Variants in STX8 observed in about 807,000 individuals in gnomAD.
The protein encoded by STX8 is syntaxin-8.
Under a neutral mutation model 37.5 loss-of-function variants are expected in STX8, and 23 were observed. The ratio of observed to expected loss-of-function variants is 0.61; its 90% CI spans 0.44 to 0.87. The LOEUF (loss-of-function observed/expected upper bound fraction) is 0.87. Among genes scored for constraint, STX8 ranks in the 40% least tolerant of loss-of-function variants. STX8 has a pLI of 0.00. For missense variants in STX8, 313 were observed against 284.7 expected, an observed-to-expected ratio of 1.10 and a Z score of -0.71; for synonymous variants, 115 against 99.1, an observed-to-expected ratio of 1.16 and a Z score of -0.95.
intron 7 of STX8, among the ~76,000 whole-genome samples, chr17:9,362,607 A>T (rs1344701309): frequency 6.6e-6 from 1 of 152,046 alleles, no homozygotes; most frequent in Non-Finnish European, 1.5e-5. Flanking sequence ...TCACGAGGAC[A>T]GGAGTCTAAG....
intron 7 of STX8, among the ~76,000 whole-genome samples, chr17:9,327,062 C>T (rs1372289372): frequency 1.3e-5 from 2 of 151,460 alleles, no homozygotes; most frequent in Admixed American, 1.3e-4. Flanking sequence ...GAGGCTGAGG[C>T]AGGAGAATCG....
chr17:9,400,103 A>ATT (rs1332056276), intron 6 of STX8, among the ~76,000 whole-genome samples: 9 of 104,590 alleles, frequency 8.6e-5, no homozygotes, highest in Admixed American at 2.8e-4. Context: ...ATTTGTTGTT[A>ATT]TTATTTTTTT....
At chr17:9,483,186 C>G (rs1906419574) in intron 6 of STX8, among the ~76,000 whole-genome samples, 1 of 152,050 alleles carries the variant, frequency 6.6e-6, no homozygotes, top group Non-Finnish European at 1.5e-5. Flanking sequence ...TTGAGGCGAC[C>G]CCCGCAGAAG....
At chr17:9,445,954 G>C (rs958791427) in intron 6 of STX8, among the ~76,000 whole-genome samples, 2 of 151,000 alleles carry the variant, frequency 1.3e-5, no homozygotes, top group Non-Finnish European at 2.9e-5. Context: ...TCCCGACTCG[G>C]CCTCCCGAGT....
At chr17:9,289,178 T>G (rs1185563856) in intron 7 of STX8, among the ~76,000 whole-genome samples, 2 of 152,148 alleles carry the variant, frequency 1.3e-5, no homozygotes, top group Non-Finnish European at 2.9e-5. Context: ...TTATATGCAG[T>G]CAATCAATCA....
chr17:9,397,295 C>A (rs984049211), intron 6 of STX8, among the ~76,000 whole-genome samples: 13 of 152,300 alleles, frequency 8.5e-5, no homozygotes, highest in African/African-American at 3.1e-4. Flanking sequence ...ACTCAGGAGG[C>A]TGAGGCAGGA....
intron 3 of STX8, among the ~76,000 whole-genome samples, chr17:9,547,769 TTTC>T (rs1221338856): frequency 1.5e-5 from 2 of 129,206 alleles, no homozygotes; most frequent in African/African-American, 6.1e-5. Context: ...ATTCTTTCCT[TTTC>T]TTTTCTTTTC....
chr17:9,569,753 C>CAACATAG (rs1907610870), intron 1 of STX8: 5 of 152,090 alleles, frequency 3.3e-5, no homozygotes, highest in Non-Finnish European at 7.3e-5. Context: ...CGAGACCAGC[C>CAACATAG]TGGCCAACAT....
intron 6 of STX8, among the ~76,000 whole-genome samples, chr17:9,405,546 G>C (rs547779431): frequency 3.9e-5 from 6 of 152,310 alleles, no homozygotes; most frequent in Non-Finnish European, 7.3e-5. Context: ...AGCAGCTTTA[G>C]ATATAAGGGC....
chr17:9,421,172 C>T (rs1033593732), intron 6 of STX8, among the ~76,000 whole-genome samples: 1 of 152,048 alleles, frequency 6.6e-6, no homozygotes, highest in Non-Finnish European at 1.5e-5. Flanking sequence ...GCGGGCGGAT[C>T]ACCTGAGGTC....
At chr17:9,405,619 C>T (rs1912774650) in intron 6 of STX8, among the ~76,000 whole-genome samples, 1 of 152,132 alleles carries the variant, frequency 6.6e-6, no homozygotes. Flanking sequence ...ACCCTTCCTG[C>T]CTTAAATTCT....
intron 6 of STX8, among the ~76,000 whole-genome samples, chr17:9,396,102 GAAAGA>G (rs776272902): frequency 8.6e-4 from 82 of 95,674 alleles, no homozygotes; most frequent in African/African-American, 2.4e-3. Flanking sequence ...AATAAGAAAA[GAAAGA>G]AAAGAAAAGT....
chr17:9,307,213 T>C (rs573633118), intron 7 of STX8, among the ~76,000 whole-genome samples: 2 of 152,336 alleles, frequency 1.3e-5, no homozygotes, highest in East Asian at 3.9e-4. Context: ...TGCTGCATCA[T>C]TTATGTACTT....
At chr17:9,361,820 A>C (rs1221628512) in intron 7 of STX8, among the ~76,000 whole-genome samples, 1 of 152,198 alleles carries the variant, frequency 6.6e-6, no homozygotes, top group Non-Finnish European at 1.5e-5. Flanking sequence ...TCAGGAAGGT[A>C]ATCTGATATT....
intron 6 of STX8, among the ~76,000 whole-genome samples, chr17:9,473,415 G>A (rs1418834885): frequency 6.6e-6 from 1 of 152,084 alleles, no homozygotes; most frequent in African/African-American, 2.4e-5. Flanking sequence ...GGTATCTTGC[G>A]GGATTGGTTC....
At chr17:9,513,058 C>T (rs1486908761) in intron 4 of STX8, among the ~76,000 whole-genome samples, 1 of 152,080 alleles carries the variant, frequency 6.6e-6, no homozygotes, top group East Asian at 1.9e-4. Flanking sequence ...AGCTTCTGCA[C>T]AGCAAAGGAA....
chr17:9,384,618 C>G (rs537019663), intron 6 of STX8, among the ~76,000 whole-genome samples: 11 of 152,036 alleles, frequency 7.2e-5, no homozygotes, highest in African/African-American at 2.7e-4. Context: ...CCAGCCTGAG[C>G]AACAGAGCGA....
At chr17:9,312,275 C>T (rs751648889) in intron 7 of STX8, among the ~76,000 whole-genome samples, 1 of 151,594 alleles carries the variant, frequency 6.6e-6, no homozygotes, top group Non-Finnish European at 1.5e-5. Context: ...GATCTTGGCT[C>T]ACCGCAACCT....
At chr17:9,423,541 G>T (rs980738617) in intron 6 of STX8, among the ~76,000 whole-genome samples, 2 of 152,132 alleles carry the variant, frequency 1.3e-5, no homozygotes, top group Non-Finnish European at 2.9e-5. Context: ...GTTAAGGCTG[G>T]TCTCAACCTC....
Sources: allele counts gnomAD v4.1 joint callset (sites outside exome capture counted in the v4.1 genomes callset), GRCh38; gene constraint gnomAD v4.1.1; transcripts MANE v1.5; gene names NCBI Gene and HGNC (gene_info 2026-07-23, HGNC 2026-07-21).